Variants in TSHR observed in about 807,000 individuals in gnomAD.
The protein encoded by TSHR is thyrotropin receptor.
TSHR carries 51 observed loss-of-function variants against 64.1 expected under a neutral mutation model. The ratio of observed to expected loss-of-function variants is 0.80; its 90% CI spans 0.64 to 1.01. TSHR has a LOEUF of 1.01. Among genes scored for constraint, TSHR ranks in the 50% least tolerant of loss-of-function variants. TSHR has a pLI of 0.00. For missense variants in TSHR, 877 were observed against 942.8 expected (o/e 0.93, Z 0.91); for synonymous variants, 361 against 361.9 (o/e 1.00, Z 0.03).
chr14:81,096,668 T>C lies in TSHR; in HGVS notation c.575T>C (p.Val192Ala). ...LKLYNNGFTS[V>A]QGYAFNGTKL... ...CTGTACAACAATGGCTTTACTTCAG[T>C]CCAAGGATATGCTTTCAATGGGACA... The change falls in exon 7 of 10, where the codon GTC becomes GCC. Residue 192 changes from valine to alanine, a missense_variant. Transcript: ENST00000298171. The C allele has an allele frequency of 2.5e-6, 4 of 1,613,880 alleles. No individual in the cohort carries two copies. Among genetic ancestry groups the C allele is most frequent in the Non-Finnish European group, 3.4e-6 (4 of 1,179,804 alleles).
At chr14:81,065,678 C>G (rs946712787) in intron 2 of TSHR, among the ~76,000 whole-genome samples, 1 of 152,156 alleles carries the variant, frequency 6.6e-6, no homozygotes, top group Non-Finnish European at 1.5e-5. Flanking sequence ...TCTGTGAGTA[C>G]TGTGAGTTCC....
chr14:80,986,097 G>C (rs535312694), intron 1 of TSHR, among the ~76,000 whole-genome samples: 10 of 152,132 alleles, frequency 6.6e-5, no homozygotes, highest in Non-Finnish European at 8.8e-5. Context: ...AATATCTGGG[G>C]AGTTCCTGGA....
At chr14:80,972,033 G>T (rs1318322622) in intron 1 of TSHR, among the ~76,000 whole-genome samples, 2 of 152,090 alleles carry the variant, frequency 1.3e-5, no homozygotes, top group Non-Finnish European at 2.9e-5. Flanking sequence ...AGTACTAGAG[G>T]GAAGAATTTT....
intron 2 of TSHR, among the ~76,000 whole-genome samples, chr14:81,066,665 C>T (rs1839839084): frequency 6.6e-6 from 1 of 152,126 alleles, no homozygotes; most frequent in Non-Finnish European, 1.5e-5. Context: ...CTCAACATTG[C>T]CTACACATTA....
chr14:81,105,506 G>C (rs1223599333), intron 7 of TSHR, among the ~76,000 whole-genome samples: 1 of 152,210 alleles, frequency 6.6e-6, no homozygotes, highest in Non-Finnish European at 1.5e-5. Context: ...GTCTCCTGAA[G>C]TGTCAGTTCA....
intron 1 of TSHR, among the ~76,000 whole-genome samples, chr14:81,031,612 G>T (rs1250382159): frequency 6.6e-6 from 1 of 152,138 alleles, no homozygotes; most frequent in Non-Finnish European, 1.5e-5. Flanking sequence ...GATCCTTCGT[G>T]TGCAAACTAG....
intron 1 of TSHR, chr14:81,053,267 G>A (rs1399772401): frequency 2.6e-5 from 4 of 152,148 alleles, no homozygotes; most frequent in South Asian, 2.1e-4. Flanking sequence ...GATTGGATGA[G>A]GCCCATTCAC....
intron 3 of TSHR, chr14:81,078,604 A>G (rs1422862360): frequency 1.3e-5 from 2 of 152,196 alleles, no homozygotes; most frequent in Non-Finnish European, 2.9e-5. Context: ...GTATGTTAGA[A>G]GTGATACAAT....
At chr14:81,010,548 G>A (rs1039311380) in intron 1 of TSHR, among the ~76,000 whole-genome samples, 8 of 151,778 alleles carry the variant, frequency 5.3e-5, no homozygotes, top group African/African-American at 1.9e-4. Context: ...GTATATATGA[G>A]CACTATGGAT....
intron 8 of TSHR, among the ~76,000 whole-genome samples, chr14:81,126,720 A>T (rs554072470): frequency 9.6e-4 from 147 of 152,374 alleles, no homozygotes; most frequent in African/African-American, 3.4e-3. Flanking sequence ...TCGTAACAGT[A>T]AAGAATCTGA....
chr14:81,126,507 G>A (rs1036948868), intron 8 of TSHR, among the ~76,000 whole-genome samples: 2 of 152,084 alleles, frequency 1.3e-5, no homozygotes, highest in Non-Finnish European at 2.9e-5. Context: ...AAAATAATTT[G>A]CAAATTCATA....
chr14:81,143,376 C>CT lies in TSHR; in HGVS notation c.1319dup (p.Thr441HisfsTer40). On this transcript the variant is annotated frameshift_variant, in exon 10 of 10. Coordinates refer to ENST00000298171, the MANE Select transcript of TSHR (RefSeq NM_000369.5). LOFTEE classifies it high-confidence loss of function. Reference sequence around the variant, plus strand: ...CAATGTCTTTGTCCTGCTTATTCTCCTCACCAGCCACTACAAACTGAACGT... The same window carrying CT: ...CAATGTCTTTGTCCTGCTTATTCTCCTTCACCAGCCACTACAAACTGAACGT... 1 of 1,614,182 alleles carries CT rather than the reference C, an allele frequency of 6.2e-7. No homozygotes were observed. The highest frequency in any genetic ancestry group is 8.5e-7 in the Non-Finnish European group (1 of 1,180,026).
intron 3 of TSHR, among the ~76,000 whole-genome samples, chr14:81,082,107 C>G (rs904750332): frequency 6.6e-6 from 1 of 152,150 alleles, no homozygotes; most frequent in African/African-American, 2.4e-5. Flanking sequence ...GGAGACTCTC[C>G]CAGCACTCCC....
At chr14:81,053,790 T>C (rs751949883) in intron 1 of TSHR, 1 of 152,204 alleles carries the variant, frequency 6.6e-6, no homozygotes, top group Non-Finnish European at 1.5e-5. Flanking sequence ...TTCTTCATAA[T>C]AGCCCCAAAC....
chr14:81,144,061 C>G lies in TSHR; in HGVS notation c.2003C>G (p.Pro668Arg). Residue 668 changes from proline (P) to arginine (R), a missense_variant, in exon 10 of 10, where the codon CCA (proline) becomes CGA (arginine). Coordinates refer to ENST00000298171, the MANE Select transcript of TSHR (RefSeq NM_000369.5). ...NSKILLVLFY[P>R]LNSCANPFLY... ...AAAATCTTGCTGGTACTCTTCTATC[C>G]ACTTAACTCCTGTGCCAATCCATTC... 6.2e-7 allele frequency: 1 copy of G among 1,614,158 alleles called. No individual in the cohort carries two copies. Among genetic ancestry groups the G allele is most frequent in the Non-Finnish European group, 8.5e-7 (1 of 1,180,034 alleles).
At position 81,088,020 on chromosome 14, in the gene TSHR, A is replaced by G. The variant is rs764752737; in HGVS notation, c.384A>G (p.Leu128=). 3 of 1,613,088 alleles carry G rather than the reference A, an allele frequency of 1.9e-6. No homozygotes were observed. The South Asian group carries it at 3.3e-5, about 18-fold the overall frequency. ...DPDALKELPL[L]KFLGIFNTGL... ...ATGCCCTCAAAGAGCTCCCCCTCCT[A>G]AAGTTCCTGTAAGTATTAAATCCTC... is the stretch of plus-strand genomic sequence containing the variant. Residue 128 remains leucine (L), a synonymous_variant, in exon 4 of 10, where the codon CTA becomes CTG. Transcript: ENST00000298171.
Position 81,143,298 on chromosome 14 carries a change from T to G in TSHR, c.1240T>G (p.Tyr414Asp). The change falls in exon 10 of 10, where the codon TAC (tyrosine) becomes GAC (aspartate). Residue 414 changes from tyrosine to aspartate, a missense_variant. Tyr to Asp is a radical substitution (Grantham distance 160). Coordinates refer to ENST00000298171, the MANE Select transcript of TSHR (RefSeq NM_000369.5). ...CAACCCGTGTGAAGACATAATGGGCTACAAGTTCCTGAGAATTGTGGTGTG... is the reference window on the plus strand; with the variant it reads ...CAACCCGTGTGAAGACATAATGGGCGACAAGTTCCTGAGAATTGTGGTGTG... ...EFNPCEDIMG[Y>D]KFLRIVVWFV... 6.2e-7 allele frequency: 1 copy of G among 1,614,240 alleles called. No homozygotes were observed. The highest frequency in any genetic ancestry group is 8.5e-7 in the Non-Finnish European group (1 of 1,180,048).
At chr14:80,999,935 C>T (rs59860869) in intron 1 of TSHR, among the ~76,000 whole-genome samples, 16,548 of 135,032 alleles carry the variant, frequency 0.12, 1,223 homozygotes, top group East Asian at 0.35. Flanking sequence ...TCTTTTTTTT[C>T]TTTTTTTTTT....
chr14:81,130,998 CAAAAAAAA>C (rs76794218), intron 8 of TSHR, among the ~76,000 whole-genome samples: 1 of 67,362 alleles, frequency 1.5e-5, no homozygotes, highest in Non-Finnish European at 3.0e-5. Flanking sequence ...ACTCCGTCTC[CAAAAAAAA>C]AAAAAAAAAA....
Sources: allele counts gnomAD v4.1 joint callset (sites outside exome capture counted in the v4.1 genomes callset), GRCh38; gene constraint gnomAD v4.1.1; transcripts MANE v1.5; gene names NCBI Gene and HGNC (gene_info 2026-07-23, HGNC 2026-07-21).